The following NUBPL variants were observed in gnomAD, a reference collection of about 807,000 sequenced individuals.
NUBPL encodes iron-sulfur cluster transfer protein NUBPL.
In NUBPL, 31 loss-of-function variants were observed where a neutral mutation model predicts 45.7. That is an observed-to-expected ratio of 0.68 (90% CI 0.51 to 0.92). NUBPL has a LOEUF of 0.92. Among genes scored for constraint, NUBPL ranks in the 40% least tolerant of loss-of-function variants. NUBPL has a pLI of 0.00. For missense variants in NUBPL, 401 were observed against 398.7 expected (o/e 1.01, Z -0.05); for synonymous variants, 144 against 140.9 (o/e 1.02, Z -0.15).
chr14:31,569,022 C>A (rs1194503248), intron 3 of NUBPL, among the ~76,000 whole-genome samples: 1 of 151,986 alleles, frequency 6.6e-6, no homozygotes, highest in African/African-American at 2.4e-5. Flanking sequence ...AATGTATAAA[C>A]AAATATATTA....
intron 7 of NUBPL, among the ~76,000 whole-genome samples, chr14:31,802,324 G>A (rs926326999): frequency 6.6e-6 from 1 of 151,732 alleles, no homozygotes; most frequent in Non-Finnish European, 1.5e-5. Context: ...TCACCAGGCT[G>A]GAGTGCAGTG....
Position 31,593,541 on chromosome 14 carries a change from T to TGAG in NUBPL, c.292-5746_292-5744dup, listed in dbSNP as rs1410093039. Among the ~76,000 whole-genome samples the TGAG allele has an allele frequency of 2.2e-3, 255 of 115,238 alleles. 1 individual carries two copies. Among genetic ancestry groups the TGAG allele is most frequent in the African/African-American group, 7.7e-3 (244 of 31,722 alleles). The allele number at this position is 115,238 out of a possible 152,430, so 75.6% of individuals were successfully genotyped here. A position where few individuals can be genotyped will look rare whatever the true frequency, so the allele number is the denominator to read the frequency against. On this transcript the variant is annotated intron_variant, in intron 3 of 10. Coordinates refer to ENST00000281081, the MANE Select transcript of NUBPL (RefSeq NM_025152.3). ...AAAAAAAAAAAAAAAAAAAAAAGAG[T>TGAG]GAGGGTTTTGGTATGGGGGCGGAGG...
intron 7 of NUBPL, among the ~76,000 whole-genome samples, chr14:31,820,166 A>T (rs1057297018): frequency 6.6e-6 from 1 of 151,836 alleles, no homozygotes; most frequent in African/African-American, 2.4e-5. Flanking sequence ...AAAAGAAAAA[A>T]ATATTGATAG....
chr14:31,845,931 T>C (rs2040444806), intron 8 of NUBPL: 1 of 155,864 alleles, frequency 6.4e-6, no homozygotes, highest in Admixed American at 6.3e-5. Flanking sequence ...ATACCATCTT[T>C]TCAGCTTTGA....
intron 4 of NUBPL, among the ~76,000 whole-genome samples, chr14:31,657,080 C>T (rs1361687092): frequency 6.6e-6 from 1 of 152,018 alleles, no homozygotes. Flanking sequence ...TTGATAATTG[C>T]CTAAATATTA....
At chr14:31,651,665 G>A (rs558834073) in intron 4 of NUBPL, among the ~76,000 whole-genome samples, 149 of 152,256 alleles carry the variant, frequency 9.8e-4, no homozygotes, top group Non-Finnish European at 1.9e-3. Flanking sequence ...TTTGGAGGCT[G>A]AGGCAGGTGG....
At chr14:31,823,195 A>C (rs1246061218) in intron 7 of NUBPL, among the ~76,000 whole-genome samples, 1 of 152,138 alleles carries the variant, frequency 6.6e-6, no homozygotes, top group Non-Finnish European at 1.5e-5. Flanking sequence ...TTTATGCTGA[A>C]GTAATCTAGG....
intron 9 of NUBPL, among the ~76,000 whole-genome samples, chr14:31,849,775 T>A (rs2040508964): frequency 6.6e-6 from 1 of 152,136 alleles, no homozygotes; most frequent in African/African-American, 2.4e-5. Flanking sequence ...TGTGGCATGA[T>A]GTGTCTATAT....
chr14:31,588,659 G>A (rs1216929789), intron 3 of NUBPL, among the ~76,000 whole-genome samples: 1 of 151,900 alleles, frequency 6.6e-6, no homozygotes, highest in Non-Finnish European at 1.5e-5. Flanking sequence ...GCTCATGCCT[G>A]TAATCCCAGC....
At chr14:31,638,262 G>T (rs551829586) in intron 4 of NUBPL, among the ~76,000 whole-genome samples, 18 of 151,578 alleles carry the variant, frequency 1.2e-4, no homozygotes, top group Non-Finnish European at 2.4e-4. Context: ...CTTCCTTCAG[G>T]AGCTCTTTTA....
intron 7 of NUBPL, among the ~76,000 whole-genome samples, chr14:31,824,643 T>G (rs1259681440): frequency 6.6e-6 from 1 of 152,178 alleles, no homozygotes; most frequent in Non-Finnish European, 1.5e-5. Context: ...TACTGCCATG[T>G]GCTTTGTGAT....
intron 3 of NUBPL, among the ~76,000 whole-genome samples, chr14:31,593,719 C>T (rs1403139573): frequency 6.6e-6 from 1 of 151,820 alleles, no homozygotes; most frequent in African/African-American, 2.4e-5. Context: ...GATAGCCTGG[C>T]CAGTGAATGC....
At chr14:31,813,246 C>T (rs2039847981) in intron 7 of NUBPL, among the ~76,000 whole-genome samples, 2 of 151,972 alleles carry the variant, frequency 1.3e-5, no homozygotes, top group Non-Finnish European at 2.9e-5. Context: ...CTCGGCCTCC[C>T]GAAGTGCTGG....
chr14:31,563,966 C>A (rs2033367787), intron 2 of NUBPL, among the ~76,000 whole-genome samples: 1 of 152,124 alleles, frequency 6.6e-6, no homozygotes, highest in Non-Finnish European at 1.5e-5. Flanking sequence ...GAAGAGAAAA[C>A]AGACTTATGG....
intron 1 of NUBPL, 98 bp from the exon 2 acceptor site, chr14:31,561,970 C>G: frequency 8.6e-7 from 1 of 1,163,712 alleles, no homozygotes; most frequent in Non-Finnish European, 1.2e-6. Context: ...GAAAAGAAAG[C>G]CCTCTTAATT....
intron 4 of NUBPL, among the ~76,000 whole-genome samples, chr14:31,639,642 G>A (rs1169893961): frequency 6.6e-6 from 1 of 152,216 alleles, no homozygotes; most frequent in Non-Finnish European, 1.5e-5. Context: ...TAAGTCTGCA[G>A]ACGTTACTGC....
At chr14:31,563,072 TAATG>T (rs557878782) in intron 2 of NUBPL, among the ~76,000 whole-genome samples, 17 of 152,230 alleles carry the variant, frequency 1.1e-4, no homozygotes, top group Non-Finnish European at 1.8e-4. Context: ...AATCTGTTCT[TAATG>T]AATTCATGTG....
Position 31,859,254 on chromosome 14 carries a change from G to A in NUBPL, c.*74G>A, listed in dbSNP as rs2139028636. On this transcript the variant is annotated 3_prime_UTR_variant, in exon 11 of 11. Coordinates refer to ENST00000281081, the MANE Select transcript of NUBPL (RefSeq NM_025152.3). ...TTTGGAAATCAGCAATGTGGTGATG[G>A]AACCTACAGAAATAATAGAAATCAT... 1 of 1,039,962 alleles carries A rather than the reference G, an allele frequency of 9.6e-7. No homozygotes were observed. Among genetic ancestry groups the A allele is most frequent in the Non-Finnish European group, 1.5e-6 (1 of 659,084 alleles). 64.4% of individuals were successfully genotyped at this position (1,039,962 alleles called of 1,614,324 possible). A position where few individuals can be genotyped will look rare whatever the true frequency, so the allele number is the denominator to read the frequency against.
chr14:31,694,765 C>A (rs923763989), intron 6 of NUBPL, among the ~76,000 whole-genome samples: 1 of 152,202 alleles, frequency 6.6e-6, no homozygotes, highest in Non-Finnish European at 1.5e-5. Context: ...CTGCCCGCCT[C>A]GGCCTTTCAA....
Sources: gnomAD v4.1 joint callset for allele counts (sites outside exome capture counted in the v4.1 genomes callset) on GRCh38, gnomAD v4.1.1 for gene constraint, MANE v1.5 for transcripts, NCBI Gene and HGNC (gene_info 2026-07-23, HGNC 2026-07-21) for gene names.